JAZF1: variants seen among roughly 807,000 people sequenced by gnomAD.
JAZF1 encodes juxtaposed with another zinc finger protein 1.
JAZF1 carries 8 observed loss-of-function variants against 26.4 expected under a neutral mutation model. That is an observed-to-expected ratio of 0.30 (90% CI 0.18 to 0.55). The LOEUF is 0.55. JAZF1 is among the 20% of genes least tolerant of loss of function. The pLI is 0.94. For missense variants in JAZF1, 199 were observed against 322.0 expected, an observed-to-expected ratio of 0.62 and a Z score of 2.92; for synonymous variants, 126 against 122.3, an observed-to-expected ratio of 1.03 and a Z score of -0.20.
intron 1 of JAZF1, among the ~76,000 whole-genome samples, chr7:28,015,557 C>T (rs1302800823): frequency 3.9e-5 from 6 of 152,084 alleles, no homozygotes; most frequent in African/African-American, 1.4e-4. Context: ...AAGCAAGATG[C>T]TAAATACACA....
chr7:27,910,448 T>C (rs1281283409), intron 2 of JAZF1, among the ~76,000 whole-genome samples: 2 of 152,202 alleles, frequency 1.3e-5, no homozygotes, highest in African/African-American at 4.8e-5. Flanking sequence ...CCTCTGGACC[T>C]TCTGCTGATT....
chr7:28,058,506 C>T (rs1343172432), intron 1 of JAZF1, among the ~76,000 whole-genome samples: 2 of 152,118 alleles, frequency 1.3e-5, no homozygotes, highest in Non-Finnish European at 2.9e-5. Flanking sequence ...TTTGGCCTTC[C>T]TGTACAAGGA....
chr7:27,953,758 A>T (rs934409849), intron 2 of JAZF1, among the ~76,000 whole-genome samples: 7 of 152,236 alleles, frequency 4.6e-5, no homozygotes, highest in African/African-American at 1.7e-4. Context: ...TGGATCAAAG[A>T]TCTGTAAAAT....
chr7:27,965,927 A>G (rs1785267825), intron 2 of JAZF1, among the ~76,000 whole-genome samples: 1 of 152,212 alleles, frequency 6.6e-6, no homozygotes, highest in Admixed American at 6.5e-5. Flanking sequence ...CAACCACTGC[A>G]TATACAAAAC....
chr7:28,101,314 GAC>G (rs1784468182), intron 1 of JAZF1, among the ~76,000 whole-genome samples: 1 of 152,042 alleles, frequency 6.6e-6, no homozygotes, highest in African/African-American at 2.4e-5. Flanking sequence ...CTCCATCACA[GAC>G]ACACAGTTAT....
intron 1 of JAZF1, among the ~76,000 whole-genome samples, chr7:28,134,821 C>T (rs146411673): frequency 6.6e-5 from 10 of 152,162 alleles, no homozygotes; most frequent in African/African-American, 2.4e-4. Flanking sequence ...CATTTATAAT[C>T]TTCTATTTTG....
At chr7:28,105,101 T>C (rs1373819808) in intron 1 of JAZF1, among the ~76,000 whole-genome samples, 1 of 152,098 alleles carries the variant, frequency 6.6e-6, no homozygotes, top group African/African-American at 2.4e-5. Context: ...CATGTTAGGT[T>C]ATGACATGTC....
At chr7:27,965,801 T>C (rs1444775340) in intron 2 of JAZF1, among the ~76,000 whole-genome samples, 1 of 152,228 alleles carries the variant, frequency 6.6e-6, no homozygotes, top group Non-Finnish European at 1.5e-5. Context: ...AAGAAATTCA[T>C]TCCTGCACAT....
At chr7:28,047,927 G>C (rs1035801312) in intron 1 of JAZF1, among the ~76,000 whole-genome samples, 2 of 152,144 alleles carry the variant, frequency 1.3e-5, no homozygotes. Flanking sequence ...TAAATAACAA[G>C]AGTTAAACCA....
rs375196936 is a variant in JAZF1 at position 27,934,800 on chromosome 7, G to T, written c.189-39384C>A. The stretch of plus-strand genomic sequence containing the variant: ...CCTCCTTACTTTGGGTTAGGCAATG[G>T]TTCTTTAGATATGACACCAAAAGCA... On this transcript the variant is annotated intron_variant, in intron 2 of 4. Transcript: ENST00000283928. Among the ~76,000 whole-genome samples the T allele has an allele frequency of 1.2e-4, 19 of 152,230 alleles. 1 individual carries two copies. The South Asian group carries it at 3.9e-3, about 32-fold the overall frequency.
intron 1 of JAZF1, among the ~76,000 whole-genome samples, chr7:28,170,257 A>C (rs1189503376): frequency 6.6e-6 from 1 of 152,158 alleles, no homozygotes; most frequent in Admixed American, 6.5e-5. Context: ...ACCCTGTCTG[A>C]AAAATAATAA....
intron 1 of JAZF1, among the ~76,000 whole-genome samples, chr7:28,045,105 A>G (rs1783472638): frequency 6.6e-6 from 1 of 150,798 alleles, no homozygotes; most frequent in Admixed American, 6.6e-5. Context: ...GGAAGGTGAA[A>G]ATTAGGGAGG....
chr7:27,996,927 T>C (rs536696271), intron 1 of JAZF1, among the ~76,000 whole-genome samples: 2 of 152,298 alleles, frequency 1.3e-5, no homozygotes, highest in African/African-American at 4.8e-5. Flanking sequence ...TGCTTACAGG[T>C]AGCAGCTTCA....
At chr7:28,018,709 G>A (rs1320401344) in intron 1 of JAZF1, among the ~76,000 whole-genome samples, 1 of 152,134 alleles carries the variant, frequency 6.6e-6, no homozygotes, top group East Asian at 1.9e-4. Flanking sequence ...CATATTCTAT[G>A]GTGGGAAATT....
At chr7:28,116,702 T>C (rs4722757) in intron 1 of JAZF1, among the ~76,000 whole-genome samples, 134,653 of 152,218 alleles carry the variant, frequency 0.88, 59,832 homozygotes, top group African/African-American at 0.96. Context: ...CCTGCCTCAG[T>C]CTCCCAAAGT....
intron 1 of JAZF1, among the ~76,000 whole-genome samples, chr7:28,173,422 CAT>C (rs550814647): frequency 6.6e-6 from 1 of 152,082 alleles, no homozygotes; most frequent in African/African-American, 2.4e-5. Flanking sequence ...TATATACACA[CAT>C]ATGGATATAC....
Position 28,167,566 on chromosome 7 carries a change from G to C in JAZF1, c.115+12897C>G, listed in dbSNP as rs547464037. Among the ~76,000 whole-genome samples the C allele has an allele frequency of 2.4e-4, 37 of 152,298 alleles. No homozygotes were observed. In the South Asian group the frequency reaches 7.5e-3, roughly 31 times the overall value. ...TCAAGACTTAAAATTTTCATCGACA[G>C]AATTAGCTAGTTGGCCTAGATCATC... On this transcript the variant is annotated intron_variant, in intron 1 of 4. Transcript: ENST00000283928.
chr7:28,071,819 G>A, intron 1 of JAZF1: 1 of 321,642 alleles, frequency 3.1e-6, no homozygotes. Flanking sequence ...TACTGCTCGG[G>A]TTCAGGAGAG....
chr7:28,152,989 T>C (rs986230435), intron 1 of JAZF1, among the ~76,000 whole-genome samples: 1 of 152,268 alleles, frequency 6.6e-6, no homozygotes, highest in African/African-American at 2.4e-5. Context: ...CCGTATTATA[T>C]AGTTTCTTAG....
Sources: gnomAD v4.1 joint callset for allele counts (sites outside exome capture counted in the v4.1 genomes callset) on GRCh38, gnomAD v4.1.1 for gene constraint, MANE v1.5 for transcripts, NCBI Gene and HGNC (gene_info 2026-07-23, HGNC 2026-07-21) for gene names.